BMPR1B: variants seen among roughly 807,000 people sequenced by gnomAD.
BMPR1B encodes bone morphogenetic protein receptor type 1B.
In BMPR1B, 12 loss-of-function variants were observed where a neutral mutation model predicts 59.1. That is an observed-to-expected ratio of 0.20 (90% CI 0.13 to 0.33). The LOEUF is 0.33. Ranked by LOEUF, BMPR1B falls within the 10% of genes least tolerant of loss-of-function variation. The probability of loss-of-function intolerance (pLI) is 1.00; values close to 1 mark genes in which losing one functional copy is unlikely to be tolerated. For synonymous variants in BMPR1B, 237 were observed against 207.3 expected (o/e 1.14, Z -1.23); for missense variants, 550 against 610.9 (o/e 0.90, Z 1.05).
intron 6 of BMPR1B, among the ~76,000 whole-genome samples, chr4:95,120,642 CTTCCTTCCT>C (rs894546287): frequency 4.7e-5 from 7 of 148,060 alleles, no homozygotes; most frequent in African/African-American, 1.8e-4. Context: ...TCCTTCCTTC[CTTCCTTCCT>C]TTCCTTCCTT....
At chr4:94,906,179 A>C (rs991893838) in intron 2 of BMPR1B, among the ~76,000 whole-genome samples, 1 of 151,954 alleles carries the variant, frequency 6.6e-6, no homozygotes, top group Non-Finnish European at 1.5e-5. Context: ...AGCTCCTTAG[A>C]TTGATATTTT....
chr4:94,963,578 G>A (rs1730450026), intron 2 of BMPR1B, among the ~76,000 whole-genome samples: 2 of 152,042 alleles, frequency 1.3e-5, no homozygotes, highest in Non-Finnish European at 2.9e-5. Flanking sequence ...AGTTTTTCCA[G>A]CATCATTTAT....
intron 3 of BMPR1B, among the ~76,000 whole-genome samples, chr4:95,006,687 G>A (rs1021064266): frequency 1.3e-5 from 2 of 151,426 alleles, no homozygotes; most frequent in Non-Finnish European, 2.9e-5. Flanking sequence ...GATTACAGGC[G>A]CACCACCACA....
chr4:94,803,923 G>C (rs1223114656), intron 1 of BMPR1B, among the ~76,000 whole-genome samples: 1 of 151,986 alleles, frequency 6.6e-6, no homozygotes, highest in Non-Finnish European at 1.5e-5. Context: ...CTGTTGCCTA[G>C]GCTGGAGTGC....
intron 2 of BMPR1B, among the ~76,000 whole-genome samples, chr4:94,928,338 G>T (rs541987496): frequency 6.6e-6 from 1 of 151,940 alleles, no homozygotes; most frequent in South Asian, 2.1e-4. Flanking sequence ...AAAAATGTTT[G>T]TAGCTGCAAA....
At chr4:94,877,997 C>T (rs556355383) in intron 2 of BMPR1B, among the ~76,000 whole-genome samples, 1 of 152,118 alleles carries the variant, frequency 6.6e-6, no homozygotes, top group African/African-American at 2.4e-5. Flanking sequence ...GGAATGATAT[C>T]GCCTATATTG....
At chr4:95,135,068 C>G (rs944238167) in intron 10 of BMPR1B, among the ~76,000 whole-genome samples, 12 of 152,186 alleles carry the variant, frequency 7.9e-5, no homozygotes, top group Admixed American at 7.2e-4. Context: ...CCAGTTTCAG[C>G]TTTCTCCATA....
rs1036174942 is a variant in BMPR1B, at chr4:95,157,037, A to G, written c.*2364A>G. The G allele has an allele frequency of 1.3e-5, 2 of 152,180 alleles. No individual in the cohort carries two copies. Among genetic ancestry groups the G allele is most frequent in the Non-Finnish European group, 1.5e-5 (1 of 68,000 alleles). The allele number at this position is 152,180 out of a possible 1,614,324, so 9.4% of individuals were successfully genotyped here. ...AAATACTTGAACGTGGATAACGTCAAATCAGAATATTTTGTGAGGAGGTGA... is the reference window on the plus strand; with the variant it reads ...AAATACTTGAACGTGGATAACGTCAGATCAGAATATTTTGTGAGGAGGTGA... On this transcript the variant is annotated 3_prime_UTR_variant, in exon 13 of 13. Coordinates refer to ENST00000515059, the MANE Select transcript of BMPR1B (RefSeq NM_001203.3).
intron 2 of BMPR1B, among the ~76,000 whole-genome samples, chr4:94,883,843 G>A (rs1435667830): frequency 1.3e-5 from 2 of 152,080 alleles, no homozygotes; most frequent in African/African-American, 2.4e-5. Context: ...AGTTTCACAA[G>A]TAGATGGACT....
intron 3 of BMPR1B, among the ~76,000 whole-genome samples, chr4:95,099,810 G>A (rs1394666367): frequency 6.6e-6 from 1 of 151,862 alleles, no homozygotes; most frequent in Non-Finnish European, 1.5e-5. Context: ...TTCAATTTTA[G>A]GCATTACCTT....
intron 3 of BMPR1B, among the ~76,000 whole-genome samples, chr4:94,997,495 CTT>C: frequency 6.6e-6 from 1 of 152,270 alleles, no homozygotes; most frequent in South Asian, 2.1e-4. Context: ...GCGTATATAA[CTT>C]TTCAAATGAT....
chr4:94,855,209 A>C (rs190732869), intron 1 of BMPR1B, among the ~76,000 whole-genome samples: 1 of 152,352 alleles, frequency 6.6e-6, no homozygotes, highest in Non-Finnish European at 1.5e-5. Flanking sequence ...AAACATTTAT[A>C]GAGCACTTAT....
intron 2 of BMPR1B, among the ~76,000 whole-genome samples, chr4:94,895,026 G>T (rs1284527338): frequency 6.7e-6 from 1 of 149,470 alleles, no homozygotes; most frequent in Admixed American, 6.6e-5. Flanking sequence ...CAGTAGAGAA[G>T]AAAATAGTTA....
At chr4:94,901,266 A>C (rs1184628811) in intron 2 of BMPR1B, among the ~76,000 whole-genome samples, 1 of 152,004 alleles carries the variant, frequency 6.6e-6, no homozygotes, top group East Asian at 1.9e-4. Context: ...AAAATCGAAA[A>C]TATCAGAATG....
At chr4:95,019,447 A>G (rs1028548261) in intron 3 of BMPR1B, among the ~76,000 whole-genome samples, 15 of 152,218 alleles carry the variant, frequency 9.9e-5, no homozygotes, top group African/African-American at 3.6e-4. Flanking sequence ...ATTGTTGGAA[A>G]GTAAAGTTAC....
intron 3 of BMPR1B, among the ~76,000 whole-genome samples, chr4:95,098,532 T>A (rs367688310): frequency 6.6e-6 from 1 of 152,032 alleles, no homozygotes; most frequent in Non-Finnish European, 1.5e-5. Context: ...ATCTTTTTTT[T>A]TGTGGCTTTT....
intron 2 of BMPR1B, among the ~76,000 whole-genome samples, chr4:94,910,269 T>C (rs2240036): frequency 0.28 from 42,573 of 151,990 alleles, 7,585 homozygotes; most frequent in African/African-American, 0.51. Context: ...GAAAACCTTT[T>C]GGCCTCATTA....
At chr4:95,135,101 C>G (rs980379412) in intron 10 of BMPR1B, among the ~76,000 whole-genome samples, 2 of 152,166 alleles carry the variant, frequency 1.3e-5, no homozygotes, top group African/African-American at 4.8e-5. Flanking sequence ...TTTCCCAGCC[C>G]CATTTATTAA....
At chr4:94,957,183 C>T (rs1011058828) in intron 2 of BMPR1B, among the ~76,000 whole-genome samples, 1 of 152,142 alleles carries the variant, frequency 6.6e-6, no homozygotes, top group Non-Finnish European at 1.5e-5. Flanking sequence ...TTAGTGTTAA[C>T]AATCCTGTGT....
Sources: allele counts gnomAD v4.1 joint callset (sites outside exome capture counted in the v4.1 genomes callset), GRCh38; gene constraint gnomAD v4.1.1; transcripts MANE v1.5; gene names NCBI Gene and HGNC (gene_info 2026-07-23, HGNC 2026-07-21).